Variants in CDKL3 observed in about 807,000 individuals in gnomAD.
CDKL3 encodes the protein cyclin-dependent kinase-like 3.
A neutral mutation model predicts 69.3 loss-of-function variants in CDKL3; 65 were observed. The observed-to-expected ratio is 0.94, with a 90% CI of 0.77 to 1.15. The LOEUF (loss-of-function observed/expected upper bound fraction) is 1.15. CDKL3 is among the 50% of genes most tolerant of loss of function. The pLI is 0.00. For synonymous variants in CDKL3, 202 were observed against 221.6 expected, an observed-to-expected ratio of 0.91 and a Z score of 0.79; for missense variants, 652 against 689.2, an observed-to-expected ratio of 0.95 and a Z score of 0.61.
chr5:134,367,368 CTTTTTTTTTTTTT>C (rs57811547), upstream of CDKL3: 22 of 780,472 alleles, frequency 2.8e-5, no homozygotes, highest in African/African-American at 2.7e-4. Context: ...GGATCTGCAT[CTTTTTTTTTTTTT>C]TTTTTTTTTT....
intron 4 of CDKL3, among the ~76,000 whole-genome samples, chr5:134,347,330 T>A (rs1581154974): frequency 6.6e-6 from 1 of 152,196 alleles, no homozygotes; most frequent in East Asian, 1.9e-4. Context: ...CACTTTGGAA[T>A]ACAGTCTGGC....
At chr5:134,294,662 G>T (rs1765269934), downstream of CDKL3, among the ~76,000 whole-genome samples, 1 of 151,444 alleles carries the variant, frequency 6.6e-6, no homozygotes, top group African/African-American at 2.4e-5. Flanking sequence ...TGAAGGAGAA[G>T]AAGAAAGGAA....
chr5:134,324,927 G>A (rs1389017287), intron 4 of CDKL3, among the ~76,000 whole-genome samples: 2 of 152,226 alleles, frequency 1.3e-5, no homozygotes, highest in Non-Finnish European at 2.9e-5. Context: ...AATGTGTGGA[G>A]TAGGGTGGAG....
intron 2 of CDKL3, among the ~76,000 whole-genome samples, chr5:134,365,185 G>A (rs1394202444): frequency 2.0e-5 from 3 of 151,622 alleles, no homozygotes; most frequent in African/African-American, 4.8e-5. Flanking sequence ...GGGTTTCACC[G>A]CGTTAGCCAG....
At chr5:134,361,349 T>C (rs1387073386) in intron 2 of CDKL3, among the ~76,000 whole-genome samples, 15 of 152,056 alleles carry the variant, frequency 9.9e-5, no homozygotes, top group Admixed American at 9.2e-4. Context: ...GCCTCCCAAG[T>C]TGCTAGGACT....
chr5:134,339,139 G>A (rs1749796096), intron 4 of CDKL3, among the ~76,000 whole-genome samples: 1 of 152,034 alleles, frequency 6.6e-6, no homozygotes, highest in South Asian at 2.1e-4. Context: ...TCCAGCCTGG[G>A]TGACAGAGTG....
intron 6 of CDKL3, among the ~76,000 whole-genome samples, chr5:134,313,088 A>C (rs1333003472): frequency 1.3e-5 from 2 of 152,214 alleles, no homozygotes. Flanking sequence ...GTAAAACATT[A>C]ATAGTTAACT....
At chr5:134,370,335 C>G (rs1414404511), upstream of CDKL3, among the ~76,000 whole-genome samples, 1 of 152,220 alleles carries the variant, frequency 6.6e-6, no homozygotes, top group Non-Finnish European at 1.5e-5. Context: ...GAGGTCAACA[C>G]CTCTGAACCC....
chr5:134,335,824 ATCTTTGTGGTGT>A (rs1190075052), intron 4 of CDKL3, among the ~76,000 whole-genome samples: 4 of 152,058 alleles, frequency 2.6e-5, no homozygotes, highest in Admixed American at 1.3e-4. Context: ...CTCAAGGAGT[ATCTTTGTGGTGT>A]TCTCTGTATT....
chr5:134,346,319 C>G (rs183364101), intron 4 of CDKL3, among the ~76,000 whole-genome samples: 2 of 152,336 alleles, frequency 1.3e-5, no homozygotes, highest in Non-Finnish European at 2.9e-5. Context: ...CCTATCCACT[C>G]CTTTCAGCAA....
At chr5:134,309,241 C>T (rs1396082455) in intron 7 of CDKL3, among the ~76,000 whole-genome samples, 2 of 152,124 alleles carry the variant, frequency 1.3e-5, no homozygotes, top group Non-Finnish European at 2.9e-5. Flanking sequence ...TGCCACCACA[C>T]CCAGCTAATT....
At chr5:134,312,611 C>G (rs767998705) in intron 6 of CDKL3, among the ~76,000 whole-genome samples, 4 of 152,318 alleles carry the variant, frequency 2.6e-5, no homozygotes, top group Middle Eastern at 6.8e-3. Flanking sequence ...ATGATTCTAG[C>G]CAAAACAGAG....
intron 12 of CDKL3, among the ~76,000 whole-genome samples, chr5:134,301,338 T>C (rs1416412826): frequency 5.3e-5 from 8 of 152,114 alleles, no homozygotes; most frequent in Admixed American, 5.2e-4. Context: ...CTCTGCAAAG[T>C]GGACTGTGGA....
intron 3 of CDKL3, among the ~76,000 whole-genome samples, chr5:134,351,044 T>C (rs1020966430): frequency 5.3e-5 from 8 of 152,284 alleles, no homozygotes; most frequent in Admixed American, 5.2e-4. Flanking sequence ...CTACATTGCA[T>C]TAAACTTCTC....
intron 4 of CDKL3, among the ~76,000 whole-genome samples, chr5:134,337,032 C>A (rs1336981247): frequency 6.6e-6 from 1 of 152,176 alleles, no homozygotes; most frequent in Admixed American, 6.5e-5. Flanking sequence ...GAGCATAGAA[C>A]CGCCTACTCA....
At chr5:134,371,114 G>T, upstream of CDKL3, 1 of 233,056 alleles carries the variant, frequency 4.3e-6, no homozygotes, top group Non-Finnish European at 8.6e-6. Context: ...TGTTGACAAG[G>T]CCGCGGGCAG....
At position 134,308,142 on chromosome 5, in the gene CDKL3, C is replaced by T. The variant is rs1329364536; in HGVS notation, c.1360G>A (p.Val454Met). 1 of 1,610,286 alleles carries T rather than the reference C, an allele frequency of 6.2e-7. No individual in the cohort carries two copies. The highest frequency in any genetic ancestry group is 1.3e-5 in the African/African-American group (1 of 75,024). ...TTCTTCTCTGTTACAGCTCACCTCA[C>T]ACTGGGGTGAAAGAGATTTGAACTG... The part of the protein sequence containing the change: ...NLSSNLFHPS[V>M]RLTERAKKRR... Residue 454 changes from valine to methionine, a missense_variant, in exon 9 of 13, where the codon GTG becomes ATG. By Grantham distance (21) the Val-to-Met change is conservative. Coordinates refer to ENST00000265334, the MANE Select transcript of CDKL3 (RefSeq NM_001113575.2).
rs575295537 is a variant in CDKL3, at chr5:134,312,973, TAAC to T, written c.793-596_793-594del. On this transcript the variant is annotated intron_variant, in intron 6 of 12. Transcript: ENST00000265334. ...CATAATAAATCTATATGTAGTTAAA[TAAC>T]AATAATTATAAATGGAACACATTTC... is the stretch of plus-strand genomic sequence containing the variant. 4.6e-3 allele frequency among the ~76,000 whole-genome samples: 698 copies of T among 152,336 alleles called. 2 individuals carry two copies. Among genetic ancestry groups the T allele is most frequent in the Non-Finnish European group, 7.6e-3 (514 of 68,032 alleles).
intron 4 of CDKL3, among the ~76,000 whole-genome samples, chr5:134,325,991 T>G (rs1774098972): frequency 6.9e-6 from 1 of 145,182 alleles, no homozygotes; most frequent in African/African-American, 2.6e-5. Context: ...TTAGCCAGGA[T>G]GGTCTCGATA....
Sources: gnomAD v4.1 joint callset for allele counts (sites outside exome capture counted in the v4.1 genomes callset) on GRCh38, gnomAD v4.1.1 for gene constraint, MANE v1.5 for transcripts, NCBI Gene and HGNC (gene_info 2026-07-23, HGNC 2026-07-21) for gene names.